Variants in CDHR2 observed in about 807,000 individuals in gnomAD.
CDHR2 encodes the protein cadherin-related family member 2.
A neutral mutation model predicts 138.6 loss-of-function variants in CDHR2; 104 were observed. That is an observed-to-expected ratio of 0.75 (90% CI 0.64 to 0.88). The LOEUF is 0.88. Among genes scored for constraint, CDHR2 ranks in the 40% least tolerant of loss-of-function variants. The pLI is 0.00. For missense variants in CDHR2, 1,624 were observed against 1,727.6 expected (o/e 0.94, Z 1.06); for synonymous variants, 755 against 742.8 (o/e 1.02, Z -0.27).
Position 176,589,613 on chromosome 5 carries a change from A to T in CDHR2, c.3203A>T (p.Asn1068Ile). Residue 1068 changes from asparagine to isoleucine, a missense_variant, in exon 24 of 32, where the codon AAT becomes ATT. Physicochemically the swap from Asn to Ile is moderately radical, Grantham distance 149. This residue lies in a region of CDHR2 where 556 missense variants were observed against 565.7 expected (regional missense o/e 0.98). Coordinates refer to ENST00000261944, the MANE Select transcript of CDHR2 (RefSeq NM_017675.6). ...EEVGANRQAI[N>I]AALTQATRTT... ...GTGGGCGCCAACAGACAGGCGATTAATGCGTAGGTCTGGGGAGCCCCGGAG... is the reference window on the plus strand; with the variant it reads ...GTGGGCGCCAACAGACAGGCGATTATTGCGTAGGTCTGGGGAGCCCCGGAG... The T allele has an allele frequency of 6.2e-7, 1 of 1,613,852 alleles. No homozygotes were observed.
intron 6 of CDHR2, among the ~76,000 whole-genome samples, chr5:176,571,825 T>C (rs1268654708): frequency 6.6e-6 from 1 of 152,120 alleles, no homozygotes; most frequent in East Asian, 1.9e-4. Context: ...CGTGAGCCAC[T>C]GCGCCCAGCC....
intron 7 of CDHR2, 49 bp from the exon 8 acceptor site, chr5:176,575,035 G>A (rs762548776): frequency 5.8e-5 from 93 of 1,606,398 alleles, no homozygotes; most frequent in East Asian, 4.2e-4. Context: ...TGGGGTCCTC[G>A]GTGCAGGGCT....
At chr5:176,586,620 G>A in intron 20 of CDHR2, 173 bp from the exon 21 acceptor site, 1 of 601,310 alleles carries the variant, frequency 1.7e-6, no homozygotes, top group East Asian at 2.8e-5. Flanking sequence ...GACAATGGGA[G>A]GTGGATGACT....
intron 31 of CDHR2, 35 bp downstream of exon 31, chr5:176,592,815 C>T (rs1758922070): frequency 6.3e-7 from 1 of 1,595,158 alleles, no homozygotes; most frequent in African/African-American, 1.3e-5. Flanking sequence ...CTGGAGGTTC[C>T]AACTTGGGTT....
intron 1 of CDHR2, among the ~76,000 whole-genome samples, chr5:176,556,534 A>G (rs560127363): frequency 1.1e-3 from 169 of 152,220 alleles, no homozygotes; most frequent in East Asian, 3.3e-3. Flanking sequence ...GTGTGGTGGC[A>G]GGCACCTGTA....
At chr5:176,564,529 T>C (rs977275309) in intron 1 of CDHR2, among the ~76,000 whole-genome samples, 1 of 152,222 alleles carries the variant, frequency 6.6e-6, no homozygotes, top group African/African-American at 2.4e-5. Flanking sequence ...TTCAGGTCTC[T>C]CTGTGACAGT....
intron 1 of CDHR2, among the ~76,000 whole-genome samples, chr5:176,558,781 A>G (rs1223634582): frequency 6.6e-6 from 1 of 152,138 alleles, no homozygotes; most frequent in African/African-American, 2.4e-5. Context: ...CGGCCTCCCA[A>G]AGTGCTGGGA....
chr5:176,557,978 T>A (rs1467732721), intron 1 of CDHR2, among the ~76,000 whole-genome samples: 1 of 152,116 alleles, frequency 6.6e-6, no homozygotes, highest in Admixed American at 6.6e-5. Flanking sequence ...AGTGCTGGGA[T>A]TGCAGGTGTG....
At chr5:176,562,020 T>G in intron 1 of CDHR2, among the ~76,000 whole-genome samples, 1 of 151,522 alleles carries the variant, frequency 6.6e-6, no homozygotes. Flanking sequence ...GGACGGGCAG[T>G]AGTGAGAGCA....
intron 21 of CDHR2, 35 bp from the exon 22 acceptor site, chr5:176,588,996 C>A: frequency 6.2e-7 from 1 of 1,608,456 alleles, no homozygotes. Context: ...CCTGGCCTGG[C>A]TGGGCCCCCA....
intron 2 of CDHR2, 105 bp downstream of exon 2, chr5:176,565,509 G>T: frequency 7.6e-7 from 1 of 1,318,402 alleles, no homozygotes; most frequent in Non-Finnish European, 1.1e-6. Context: ...AGCTCCTATG[G>T]GCCAGCCCTG....
chr5:176,584,340 G>C (rs550929491), intron 18 of CDHR2, 70 bp from the exon 19 acceptor site: 1 of 1,613,462 alleles, frequency 6.2e-7, no homozygotes, highest in East Asian at 2.2e-5. Flanking sequence ...AGTTCCAAGA[G>C]AGGCAAGGGC....
chr5:176,570,795 C>T (rs1012495732), intron 5 of CDHR2, among the ~76,000 whole-genome samples: 20 of 151,898 alleles, frequency 1.3e-4, no homozygotes, highest in African/African-American at 4.8e-4. Flanking sequence ...TTACTAAATA[C>T]CAAAAACTAA....
chr5:176,544,427 T>TTTTCTTTC (rs59658300), upstream of CDHR2, among the ~76,000 whole-genome samples: 43 of 137,992 alleles, frequency 3.1e-4, 1 homozygote, highest in East Asian at 2.3e-3. Context: ...TTTTCCTTTA[T>TTTTCTTTC]TTTCTTTCTT....
intron 1 of CDHR2, among the ~76,000 whole-genome samples, chr5:176,563,695 T>G (rs1371048390): frequency 2.0e-5 from 3 of 152,184 alleles, no homozygotes; most frequent in Non-Finnish European, 2.9e-5. Flanking sequence ...AAGGGTATAA[T>G]GAGGCATGAT....
intron 5 of CDHR2, 106 bp from the exon 6 acceptor site, chr5:176,571,107 G>A (rs1200354468): frequency 1.0e-5 from 5 of 483,940 alleles, no homozygotes; most frequent in Non-Finnish European, 2.0e-5. Context: ...AGACCAAACA[G>A]TAGGTTGATC....
rs571746295 is a variant in CDHR2, at chr5:176,543,731, G to T, written c.-16+962G>T. ...GTGGGCGCGGAGGTAGCTAATAGCTGTCTGGGGTCAGCAGATCTTGGTTCC... is the reference window on the plus strand; with the variant it reads ...GTGGGCGCGGAGGTAGCTAATAGCTTTCTGGGGTCAGCAGATCTTGGTTCC... On this transcript the variant is annotated intron_variant, in intron 1 of 31. Coordinates refer to the CDHR2 transcript ENST00000510636. The surrounding 1 kb of genome is among the most constrained non-coding windows in gnomAD (Gnocchi z 4.0). 1.3e-5 allele frequency: 2 copies of T among 152,290 alleles called. No individual in the cohort carries two copies. Among genetic ancestry groups the T allele is most frequent in the African/African-American group, 4.8e-5 (2 of 41,456 alleles). The allele number at this position is 152,290 out of a possible 1,614,324, so 9.4% of individuals were successfully genotyped here. A position where few individuals can be genotyped will look rare whatever the true frequency, so the allele number is the denominator to read the frequency against.
rs1044574153 is a variant in CDHR2 at position 176,575,993 on chromosome 5, G to C, written c.1002G>C (p.Lys334Asn). The C allele has an allele frequency of 1.2e-6, 2 of 1,613,890 alleles. No individual in the cohort carries two copies. The change falls in exon 12 of 32, where the codon AAG becomes AAC. Residue 334 changes from lysine (K) to asparagine (N), a missense_variant. Coordinates refer to ENST00000261944, the MANE Select transcript of CDHR2 (RefSeq NM_017675.6). ...TCAACATCTACGGGCAGGAGGCCAA[G>C]GTGAGCATCTGGGTGACAGTGAGAG... Reference protein sequence around the residue: ...THLNIYGQEAKVSIWVTVRVM... With the variant: ...THLNIYGQEANVSIWVTVRVM...
At chr5:176,582,823 T>C (rs1561877883) in intron 17 of CDHR2, among the ~76,000 whole-genome samples, 1 of 152,150 alleles carries the variant, frequency 6.6e-6, no homozygotes, top group Non-Finnish European at 1.5e-5. Context: ...GTACCTTGCC[T>C]GGGGGTCACA....
Sources: allele counts gnomAD v4.1 joint callset (sites outside exome capture counted in the v4.1 genomes callset), GRCh38; gene constraint gnomAD v4.1.1; regional missense constraint gnomAD v4.1.1; non-coding constraint Gnocchi (gnomAD v3.1); transcripts MANE v1.5; gene names NCBI Gene and HGNC (gene_info 2026-07-23, HGNC 2026-07-21).